The following SEMA4F variants were observed in gnomAD, a reference collection of about 807,000 sequenced individuals.
SEMA4F encodes ssemaphorin 4F, also known as semaphorin-4F.
A neutral mutation model predicts 78.4 loss-of-function variants in SEMA4F; 51 were observed. The ratio of observed to expected loss-of-function variants is 0.65; its 90% CI spans 0.52 to 0.82. SEMA4F has a LOEUF of 0.82. SEMA4F is among the 40% of genes least tolerant of loss of function. The probability of loss-of-function intolerance (pLI) is 0.00; values close to 1 mark genes in which losing one functional copy is unlikely to be tolerated. For synonymous variants in SEMA4F, 418 were observed against 408.7 expected (o/e 1.02, Z -0.27); for missense variants, 938 against 1,014.4 (o/e 0.92, Z 1.02).
At chr2:74,664,441 T>C (rs1684583670) in intron 5 of SEMA4F, among the ~76,000 whole-genome samples, 1 of 152,228 alleles carries the variant, frequency 6.6e-6, no homozygotes, top group Admixed American at 6.5e-5. Context: ...AACATCTTTG[T>C]GCATAAATTT....
chr2:74,672,859 G>A (rs1685056742), intron 5 of SEMA4F, among the ~76,000 whole-genome samples: 1 of 152,088 alleles, frequency 6.6e-6, no homozygotes, highest in South Asian at 2.1e-4. Flanking sequence ...ACCTGCATCC[G>A]ATTACTCTGA....
At chr2:74,686,069 G>A (rs1287272654), downstream of SEMA4F, among the ~76,000 whole-genome samples, 3 of 151,958 alleles carry the variant, frequency 2.0e-5, no homozygotes, top group Non-Finnish European at 4.4e-5. Flanking sequence ...AACAGATGCT[G>A]GAGAGGATGT....
Position 74,679,736 on chromosome 2 carries a change from C to T in SEMA4F, c.1840C>T (p.Leu614=), listed in dbSNP as rs756918925. The change falls in exon 14 of 14, where the codon CTG becomes TTG. Residue 614 remains leucine (L), a synonymous_variant. Coordinates refer to ENST00000357877, the MANE Select transcript of SEMA4F (RefSeq NM_004263.5). The part of the protein sequence containing the change: ...VTALTPRRDG[L]EVVVTPGAMG... ...TGCACTCACCCCCCGGCGGGATGGA[C>T]TGGAGGTGGTGGTGACCCCAGGGGC... is the stretch of plus-strand genomic sequence containing the variant. 6.2e-7 allele frequency: 1 copy of T among 1,614,180 alleles called. No individual in the cohort carries two copies. The highest frequency in any genetic ancestry group is 8.5e-7 in the Non-Finnish European group (1 of 1,180,034).
In SEMA4F at chr2:74,680,512, T is replaced by C; in HGVS notation, c.*303T>C. The C allele has an allele frequency of 3.6e-6, 1 of 274,468 alleles. No individual in the cohort carries two copies. 17.0% of individuals were successfully genotyped at this position (274,468 alleles called of 1,614,324 possible). A position where few individuals can be genotyped will look rare whatever the true frequency, so the allele number is the denominator to read the frequency against. On this transcript the variant is annotated 3_prime_UTR_variant, in exon 14 of 14. Coordinates refer to ENST00000357877, the MANE Select transcript of SEMA4F (RefSeq NM_004263.5). ...CCCCCTATCTTGGGCCCATTAGTTT[T>C]GGGGATGGGGCACAGGGCATAGCTA...
downstream of SEMA4F, among the ~76,000 whole-genome samples, chr2:74,685,888 A>C (rs1685812709): frequency 6.6e-6 from 1 of 152,168 alleles, no homozygotes; most frequent in Non-Finnish European, 1.5e-5. Flanking sequence ...CCCCATCAAA[A>C]AGTGAGCAAA....
At chr2:74,703,189 T>C in the SEMA4F span, among the ~76,000 whole-genome samples, 1 of 152,150 alleles carries the variant, frequency 6.6e-6, no homozygotes, top group Non-Finnish European at 1.5e-5. Flanking sequence ...AGTTTTTAAG[T>C]AGAGTGATCT....
the SEMA4F span, among the ~76,000 whole-genome samples, chr2:74,695,797 T>C: frequency 6.6e-6 from 1 of 152,214 alleles, no homozygotes; most frequent in Non-Finnish European, 1.5e-5. Context: ...AATTGTGAGA[T>C]GCTGGGAATT....
At chr2:74,700,071 T>C in the SEMA4F span, among the ~76,000 whole-genome samples, 1 of 151,588 alleles carries the variant, frequency 6.6e-6, no homozygotes, top group Non-Finnish European at 1.5e-5. Flanking sequence ...ATGCGGAGAA[T>C]GGGAAGAACA....
intron 12 of SEMA4F, among the ~76,000 whole-genome samples, chr2:74,678,612 C>G (rs363610): frequency 0.36 from 55,275 of 152,054 alleles, 16,816 homozygotes; most frequent in East Asian, 0.82. Context: ...CCAGCCTCTG[C>G]GAGTGGTGCC....
At chr2:74,654,927 C>G (rs1323574829) in intron 1 of SEMA4F, among the ~76,000 whole-genome samples, 2 of 152,234 alleles carry the variant, frequency 1.3e-5, no homozygotes, top group Non-Finnish European at 2.9e-5. Flanking sequence ...GCACATACAC[C>G]TGGGTCCATC....
At chr2:74,705,963 C>CTTT in the SEMA4F span, among the ~76,000 whole-genome samples, 9,381 of 150,670 alleles carry the variant, frequency 0.062, 930 homozygotes, top group African/African-American at 0.21. Context: ...ATTTTCTTTT[C>CTTT]TTTTTTTTTG....
At chr2:74,708,980 A>G in the SEMA4F span, among the ~76,000 whole-genome samples, 6 of 152,168 alleles carry the variant, frequency 3.9e-5, no homozygotes, top group Non-Finnish European at 8.8e-5. Flanking sequence ...AGCCTGGGAA[A>G]CATGACAAAT....
chr2:74,703,880 G>A, the SEMA4F span, among the ~76,000 whole-genome samples: 2 of 152,290 alleles, frequency 1.3e-5, no homozygotes, highest in Admixed American at 1.3e-4. Context: ...GTTTGTACCT[G>A]TACTCTAGAG....
At chr2:74,669,854 CT>C (rs913244791) in intron 5 of SEMA4F, among the ~76,000 whole-genome samples, 14 of 150,540 alleles carry the variant, frequency 9.3e-5, no homozygotes, top group African/African-American at 2.0e-4. Flanking sequence ...CTTTCAATGT[CT>C]TTTTTTTTGT....
intron 2 of SEMA4F, 138 bp downstream of exon 2, chr2:74,656,823 A>C: frequency 2.3e-4 from 169 of 733,714 alleles, no homozygotes; most frequent in East Asian, 4.4e-4. Context: ...GTTGGGAGAC[A>C]TGGGGGGAGA....
At chr2:74,697,851 A>G in the SEMA4F span, among the ~76,000 whole-genome samples, 8 of 152,276 alleles carry the variant, frequency 5.3e-5, no homozygotes, top group African/African-American at 1.9e-4. Context: ...GTACAAACAG[A>G]GGATCCCAGC....
the SEMA4F span, among the ~76,000 whole-genome samples, chr2:74,696,436 G>A: frequency 6.6e-6 from 1 of 152,198 alleles, no homozygotes; most frequent in South Asian, 2.1e-4. Flanking sequence ...GACCTCAGGT[G>A]ATCCACCCAC....
chr2:74,654,976 G>A (rs1025907591), intron 1 of SEMA4F, among the ~76,000 whole-genome samples: 1 of 152,174 alleles, frequency 6.6e-6, no homozygotes, highest in Non-Finnish European at 1.5e-5. Flanking sequence ...AGACCCATCA[G>A]TCTTTCATTC....
intron 4 of SEMA4F, among the ~76,000 whole-genome samples, chr2:74,661,814 A>T (rs1684439307): frequency 6.6e-6 from 1 of 152,202 alleles, no homozygotes; most frequent in Non-Finnish European, 1.5e-5. Flanking sequence ...AACAGCTACC[A>T]TGGAAGTAAT....
Sources: gnomAD v4.1 joint callset for allele counts (sites outside exome capture counted in the v4.1 genomes callset) on GRCh38, gnomAD v4.1.1 for gene constraint, MANE v1.5 for transcripts, NCBI Gene and HGNC (gene_info 2026-07-23, HGNC 2026-07-21) for gene names.